DAP3: variants seen among roughly 807,000 people sequenced by gnomAD.
DAP3 encodes small ribosomal subunit protein mS29.
DAP3 carries 28 observed loss-of-function variants against 51.9 expected under a neutral mutation model. The ratio of observed to expected loss-of-function variants is 0.54; its 90% CI spans 0.40 to 0.74. DAP3 has a LOEUF of 0.74. DAP3 is among the 30% of genes least tolerant of loss of function. DAP3 has a pLI of 0.00. For synonymous variants in DAP3, 170 were observed against 170.3 expected (o/e 1.00, Z 0.01); for missense variants, 458 against 483.5 (o/e 0.95, Z 0.49).
chr1:155,688,399 C>T, upstream of DAP3: 1 of 1,544,078 alleles, frequency 6.5e-7, no homozygotes, highest in Non-Finnish European at 8.8e-7. Flanking sequence ...GCGACACCCC[C>T]AACCTCCCAC....
At chr1:155,691,752 A>G (rs1410780268) in intron 1 of DAP3, among the ~76,000 whole-genome samples, 5 of 141,966 alleles carry the variant, frequency 3.5e-5, no homozygotes, top group Non-Finnish European at 5.9e-5. Flanking sequence ...ACATGTTATT[A>G]TCAGTTCTTT....
Position 155,689,117 on chromosome 1 carries a change from C to G in DAP3, c.-65C>G, listed in dbSNP as rs1467549169. 8.8e-7 allele frequency: 1 copy of G among 1,141,492 alleles called. No homozygotes were observed. Among genetic ancestry groups the G allele is most frequent in the Non-Finnish European group, 1.3e-6 (1 of 793,620 alleles). 70.7% of individuals were successfully genotyped at this position (1,141,492 alleles called of 1,614,324 possible). On this transcript the variant is annotated 5_prime_UTR_variant, in exon 1 of 13. Coordinates refer to ENST00000368336, the MANE Select transcript of DAP3 (RefSeq NM_004632.4). ...CAGTCTCAGGACGGGCGCTTTGGAG[C>G]CGGCCCCAGGCAGCGTGTGTCGGTC...
chr1:155,695,725 A>G (rs896673405), intron 1 of DAP3, among the ~76,000 whole-genome samples: 1 of 152,246 alleles, frequency 6.6e-6, no homozygotes, highest in Non-Finnish European at 1.5e-5. Context: ...TAACTGGCTG[A>G]TTAAAATCTT....
In DAP3 at chr1:155,709,773, T is replaced by C; in HGVS notation, c.-7T>C. 1.2e-6 allele frequency: 2 copies of C among 1,611,942 alleles called. No homozygotes were observed. Among genetic ancestry groups the C allele is most frequent in the Non-Finnish European group, 1.7e-6 (2 of 1,179,614 alleles). Reference sequence around the variant, plus strand: ...TTCACTTTTTTTTTTTTTGTAACAGTGCAAGGATGATGCTGAAAGGAATAA... The same window carrying C: ...TTCACTTTTTTTTTTTTTGTAACAGCGCAAGGATGATGCTGAAAGGAATAA... On this transcript the variant is annotated splice_region_variant and 5_prime_UTR_variant, in exon 2 of 13. Transcript: ENST00000368336.
intron 1 of DAP3, among the ~76,000 whole-genome samples, chr1:155,702,790 G>T (rs112385466): frequency 6.6e-6 from 1 of 152,090 alleles, no homozygotes; most frequent in Admixed American, 6.5e-5. Flanking sequence ...CCAAGATGGC[G>T]AAACTCCGTC....
At chr1:155,716,815 C>T (rs986524820) in intron 2 of DAP3, among the ~76,000 whole-genome samples, 191 bp from the exon 3 acceptor site, 7 of 151,886 alleles carry the variant, frequency 4.6e-5, no homozygotes, top group Non-Finnish European at 7.4e-5. Context: ...GGTGTGGTGG[C>T]GCACGCCTGT....
upstream of DAP3, chr1:155,688,197 G>A: frequency 1.2e-6 from 2 of 1,614,012 alleles, no homozygotes; most frequent in Non-Finnish European, 1.7e-6. Context: ...CAGCGGGTAA[G>A]CCGACTGGCG....
intron 9 of DAP3, among the ~76,000 whole-genome samples, chr1:155,729,898 A>G (rs565625444): frequency 7.9e-5 from 12 of 152,138 alleles, no homozygotes; most frequent in Admixed American, 5.2e-4. Flanking sequence ...CCTGACCAAC[A>G]TGGAGAAACC....
At chr1:155,725,704 A>G (rs1412920926) in intron 5 of DAP3, among the ~76,000 whole-genome samples, 1 of 152,170 alleles carries the variant, frequency 6.6e-6, no homozygotes, top group African/African-American at 2.4e-5. Flanking sequence ...ATTTACTAAA[A>G]ATGCAATATA....
intron 1 of DAP3, among the ~76,000 whole-genome samples, chr1:155,693,778 A>G (rs1654170175): frequency 7.1e-6 from 1 of 141,542 alleles, no homozygotes; most frequent in Non-Finnish European, 1.5e-5. Flanking sequence ...TCTGGCCAAC[A>G]TGGAGAAACC....
intron 2 of DAP3, 56 bp from the exon 3 acceptor site, chr1:155,716,950 A>G: frequency 1.3e-6 from 1 of 748,168 alleles, no homozygotes; most frequent in East Asian, 4.5e-5. Context: ...CTCCATCTCA[A>G]AAAAAAAAAA....
chr1:155,697,259 C>G (rs1215446697), intron 1 of DAP3, among the ~76,000 whole-genome samples: 1 of 152,124 alleles, frequency 6.6e-6, no homozygotes, highest in Non-Finnish European at 1.5e-5. Context: ...TCCCCCTGCA[C>G]TCACTCAGCT....
intron 6 of DAP3, 192 bp downstream of exon 6, chr1:155,726,211 T>C: frequency 2.6e-6 from 1 of 384,424 alleles, no homozygotes; most frequent in Admixed American, 4.6e-5. Flanking sequence ...CCTCCCAGGC[T>C]CAAGAGATTC....
intron 11 of DAP3, among the ~76,000 whole-genome samples, chr1:155,733,878 G>T (rs1659495269): frequency 6.6e-6 from 1 of 151,966 alleles, no homozygotes; most frequent in Non-Finnish European, 1.5e-5. Context: ...TCATGGCCAG[G>T]CTTGGTAGCT....
chr1:155,731,290 T>C, intron 9 of DAP3, 66 bp from the exon 10 acceptor site: 1 of 1,489,664 alleles, frequency 6.7e-7, no homozygotes, highest in South Asian at 1.2e-5. Flanking sequence ...TTGTTGTCAA[T>C]TGTTTCGGGA....
At chr1:155,691,001 G>A (rs1488748655) in intron 1 of DAP3, among the ~76,000 whole-genome samples, 1 of 141,850 alleles carries the variant, frequency 7.0e-6, no homozygotes, top group Non-Finnish European at 1.5e-5. Flanking sequence ...TCCGCCTCCC[G>A]GGTTCGCGCC....
upstream of DAP3, chr1:155,688,145 C>T (rs61817761): frequency 0.016 from 26,016 of 1,613,624 alleles, 264 homozygotes; most frequent in Non-Finnish European, 0.02. Context: ...CCTCCGCTTC[C>T]CTGGGTCCAC....
chr1:155,726,143 C>T (rs1384694116), intron 6 of DAP3, 124 bp downstream of exon 6: 26 of 788,202 alleles, frequency 3.3e-5, no homozygotes, highest in African/African-American at 1.9e-4. Context: ...GATGGAGTTT[C>T]GCTCTTGTCG....
intron 11 of DAP3, among the ~76,000 whole-genome samples, chr1:155,735,525 C>T (rs822015): frequency 1.9e-4 from 28 of 150,886 alleles, no homozygotes; most frequent in African/African-American, 6.8e-4. Context: ...TGCAGTGAGC[C>T]GAGATCGTGC....
Sources: allele counts gnomAD v4.1 joint callset (sites outside exome capture counted in the v4.1 genomes callset), GRCh38; gene constraint gnomAD v4.1.1; transcripts MANE v1.5; gene names NCBI Gene and HGNC (gene_info 2026-07-23, HGNC 2026-07-21).